The following NOVA1 variants were observed in gnomAD, a reference collection of about 807,000 sequenced individuals.
NOVA1 encodes the protein RNA-binding protein Nova-1.
A neutral mutation model predicts 38.0 loss-of-function variants in NOVA1; 7 were observed. The ratio of observed to expected loss-of-function variants is 0.18; its 90% CI spans 0.10 to 0.35. NOVA1 has a LOEUF of 0.35. Ranked by LOEUF, NOVA1 falls within the 10% of genes least tolerant of loss-of-function variation. The pLI, the probability that NOVA1 is intolerant of heterozygous loss-of-function variation, is 1.00. For synonymous variants in NOVA1, 270 were observed against 232.5 expected, an observed-to-expected ratio of 1.16 and a Z score of -1.47; for missense variants, 460 against 616.0, an observed-to-expected ratio of 0.75 and a Z score of 2.68.
intron 2 of NOVA1, among the ~76,000 whole-genome samples, chr14:26,567,117 T>C (rs1892180578): frequency 6.6e-6 from 1 of 152,048 alleles, no homozygotes; most frequent in South Asian, 2.1e-4. Flanking sequence ...GATGCCAAAT[T>C]ATAATCCAAA....
chr14:26,524,960 T>C (rs1889193301), intron 2 of NOVA1, among the ~76,000 whole-genome samples: 1 of 152,204 alleles, frequency 6.6e-6, no homozygotes, highest in African/African-American at 2.4e-5. Flanking sequence ...TGTAATTAAC[T>C]GCAACTAGTT....
At chr14:26,518,034 C>A (rs1888596361) in intron 2 of NOVA1, among the ~76,000 whole-genome samples, 1 of 152,052 alleles carries the variant, frequency 6.6e-6, no homozygotes, top group African/African-American at 2.4e-5. Flanking sequence ...AAATTTTAAT[C>A]TCTATCATAA....
At chr14:26,500,296 A>T (rs1266593568) in intron 2 of NOVA1, among the ~76,000 whole-genome samples, 2 of 152,104 alleles carry the variant, frequency 1.3e-5, no homozygotes, top group South Asian at 2.1e-4. Context: ...ATACTTACTA[A>T]ATATTTGTGA....
chr14:26,558,240 T>C (rs985952421), intron 2 of NOVA1, among the ~76,000 whole-genome samples: 3 of 152,164 alleles, frequency 2.0e-5, no homozygotes, highest in Non-Finnish European at 4.4e-5. Flanking sequence ...AGATACATTA[T>C]AGACTTCAGT....
intron 2 of NOVA1, among the ~76,000 whole-genome samples, chr14:26,520,962 C>T (rs925013524): frequency 4.6e-5 from 7 of 152,046 alleles, no homozygotes; most frequent in African/African-American, 1.7e-4. Context: ...AATCCTCAAG[C>T]ATATTTGACA....
chr14:26,449,067 CA>C, intron 4 of NOVA1, 104 bp from the exon 5 acceptor site: 6 of 1,073,662 alleles, frequency 5.6e-6, no homozygotes, highest in Non-Finnish European at 7.7e-6. Flanking sequence ...GAAAATTAAA[CA>C]TAATTTATGA....
intron 2 of NOVA1, among the ~76,000 whole-genome samples, chr14:26,532,249 AT>A (rs1889769186): frequency 1.3e-5 from 2 of 152,154 alleles, no homozygotes; most frequent in South Asian, 4.2e-4. Flanking sequence ...ATTCATAGCA[AT>A]TTTATTCCTA....
chr14:26,492,997 G>GA (rs1002049652), intron 2 of NOVA1, among the ~76,000 whole-genome samples: 12 of 151,636 alleles, frequency 7.9e-5, no homozygotes, highest in Admixed American at 2.0e-4. Context: ...AACATATTTA[G>GA]AAAAAAAATG....
At chr14:26,521,812 G>A (rs1312517200) in intron 2 of NOVA1, among the ~76,000 whole-genome samples, 5 of 152,028 alleles carry the variant, frequency 3.3e-5, no homozygotes, top group Non-Finnish European at 7.4e-5. Context: ...AGGGTATTAT[G>A]TAGGAGTTTA....
rs761896060 is a variant in NOVA1, at chr14:26,480,190, T to TA, written c.281-48dup. Reference sequence around the variant, plus strand: ...TCAGAAAATATTCCACACTTTGCATTAAAAAAATTATGAAAAAGGATGATA... The same window carrying TA: ...TCAGAAAATATTCCACACTTTGCATTAAAAAAAATTATGAAAAAGGATGATA... On this transcript the variant is annotated intron_variant, in intron 2 of 4. Coordinates refer to ENST00000539517, the MANE Select transcript of NOVA1 (RefSeq NM_002515.3). The TA allele has an allele frequency of 2.4e-5, 36 of 1,518,122 alleles. 1 individual carries two copies. In the East Asian group the frequency reaches 6.6e-4, roughly 28 times the overall value. 94.0% of individuals were successfully genotyped at this position (1,518,122 alleles called of 1,614,324 possible).
intron 2 of NOVA1, among the ~76,000 whole-genome samples, chr14:26,565,114 G>C (rs1892055045): frequency 6.6e-6 from 1 of 152,092 alleles, no homozygotes; most frequent in African/African-American, 2.4e-5. Flanking sequence ...AGACCATGCT[G>C]AGAGAATTCA....
At chr14:26,587,239 T>G (rs1893571543) in intron 2 of NOVA1, among the ~76,000 whole-genome samples, 1 of 150,288 alleles carries the variant, frequency 6.7e-6, no homozygotes, top group South Asian at 2.1e-4. Flanking sequence ...TCTCCAAATC[T>G]TTTAAATAAA....
intron 3 of NOVA1, 132 bp downstream of exon 3, chr14:26,479,845 T>A (rs1311681331): frequency 2.2e-6 from 2 of 908,060 alleles, no homozygotes; most frequent in African/African-American, 3.3e-5. Context: ...TTTAAATAAC[T>A]AAATGACAAC....
At chr14:26,565,422 T>C (rs1892074826) in intron 2 of NOVA1, among the ~76,000 whole-genome samples, 1 of 152,146 alleles carries the variant, frequency 6.6e-6, no homozygotes, top group Non-Finnish European at 1.5e-5. Flanking sequence ...TTCTGTTCTC[T>C]TGTACCCACT....
At chr14:26,576,456 T>C (rs1357663557) in intron 2 of NOVA1, among the ~76,000 whole-genome samples, 2 of 151,768 alleles carry the variant, frequency 1.3e-5, no homozygotes, top group Non-Finnish European at 3.0e-5. Flanking sequence ...TCAAAATATT[T>C]TACAGGCAAA....
At chr14:26,518,443 T>G (rs916484364) in intron 2 of NOVA1, among the ~76,000 whole-genome samples, 3 of 152,044 alleles carry the variant, frequency 2.0e-5, no homozygotes, top group Non-Finnish European at 4.4e-5. Context: ...ACCTTATCAC[T>G]TTAATGCTAC....
At chr14:26,545,007 A>G (rs978770280) in intron 2 of NOVA1, among the ~76,000 whole-genome samples, 5 of 152,026 alleles carry the variant, frequency 3.3e-5, no homozygotes, top group Non-Finnish European at 7.4e-5. Context: ...TAGAATCCAA[A>G]TTGCTTTACT....
chr14:26,581,218 G>T (rs563161946), intron 2 of NOVA1, among the ~76,000 whole-genome samples: 1 of 152,006 alleles, frequency 6.6e-6, no homozygotes, highest in Non-Finnish European at 1.5e-5. Flanking sequence ...CCACAGAGGC[G>T]TTAAGAAGTA....
intron 2 of NOVA1, among the ~76,000 whole-genome samples, chr14:26,490,201 G>A (rs529175892): frequency 9.8e-4 from 149 of 152,220 alleles, no homozygotes; most frequent in African/African-American, 3.3e-3. Flanking sequence ...CCTTATTACA[G>A]CGTAACAATA....
Sources: gnomAD v4.1 joint callset for allele counts (sites outside exome capture counted in the v4.1 genomes callset) on GRCh38, gnomAD v4.1.1 for gene constraint, MANE v1.5 for transcripts, NCBI Gene and HGNC (gene_info 2026-07-23, HGNC 2026-07-21) for gene names.